The following YWHAQ variants were observed in gnomAD, a reference collection of about 807,000 sequenced individuals.
YWHAQ encodes the protein 14-3-3 protein theta.
YWHAQ carries 6 observed loss-of-function variants against 28.3 expected under a neutral mutation model. The ratio of observed to expected loss-of-function variants is 0.21; its 90% CI spans 0.12 to 0.42. YWHAQ has a LOEUF of 0.42. YWHAQ is among the 10% of genes least tolerant of loss of function. The pLI, the probability that YWHAQ is intolerant of heterozygous loss-of-function variation, is 1.00. For synonymous variants in YWHAQ, 143 were observed against 119.1 expected, an observed-to-expected ratio of 1.20 and a Z score of -1.31; for missense variants, 201 against 305.6, an observed-to-expected ratio of 0.66 and a Z score of 2.55.
At position 9,618,119 on chromosome 2, in the gene YWHAQ, T is replaced by C. The variant is rs780999887; in HGVS notation, c.294+12040A>G. Among the ~76,000 whole-genome samples the C allele has an allele frequency of 6.6e-5, 10 of 152,264 alleles. No homozygotes were observed. The South Asian group carries it at 1.5e-3, about 22-fold the overall frequency. The stretch of plus-strand genomic sequence containing the variant: ...CAGGAGCTGAGGTAAGGGAAGATAG[T>C]GAATGACTATTAATGGATATAGAAT... On this transcript the variant is annotated intron_variant, in intron 2 of 5. Transcript: ENST00000238081.
intron 3 of YWHAQ, among the ~76,000 whole-genome samples, chr2:9,591,169 T>C (rs1335829580): frequency 6.6e-6 from 1 of 152,206 alleles, no homozygotes; most frequent in Non-Finnish European, 1.5e-5. Context: ...CATATGAGAT[T>C]ACAGAGTTCA....
At chr2:9,605,927 T>C (rs1159260527) in intron 2 of YWHAQ, among the ~76,000 whole-genome samples, 4 of 152,172 alleles carry the variant, frequency 2.6e-5, no homozygotes, top group Non-Finnish European at 4.4e-5. Flanking sequence ...TCCCTCATGT[T>C]AGCACACTAC....
chr2:9,610,436 A>G (rs1534044), intron 2 of YWHAQ, among the ~76,000 whole-genome samples: 1 of 152,200 alleles, frequency 6.6e-6, no homozygotes, highest in Non-Finnish European at 1.5e-5. Flanking sequence ...GCATGACACA[A>G]ATCTTTCTCT....
chr2:9,610,511 T>C (rs1250487513), intron 2 of YWHAQ, among the ~76,000 whole-genome samples: 2 of 152,118 alleles, frequency 1.3e-5, no homozygotes, highest in Non-Finnish European at 2.9e-5. Context: ...AACTTTAAAC[T>C]TTACTCTTTT....
chr2:9,618,403 A>G (rs1008812858), intron 2 of YWHAQ, among the ~76,000 whole-genome samples: 2 of 152,170 alleles, frequency 1.3e-5, no homozygotes, highest in Admixed American at 6.5e-5. Context: ...AGGAAAGGAG[A>G]TAAGTTTCCT....
intron 2 of YWHAQ, among the ~76,000 whole-genome samples, chr2:9,602,903 A>ATATATAT (rs1666744884): frequency 1.4e-4 from 16 of 111,116 alleles, no homozygotes; most frequent in East Asian, 3.6e-4. Flanking sequence ...ATATATATAT[A>ATATATAT]GTAGGGACAC....
chr2:9,585,941 T>C (rs1292312363), intron 5 of YWHAQ, among the ~76,000 whole-genome samples: 1 of 151,996 alleles, frequency 6.6e-6, no homozygotes, highest in African/African-American at 2.4e-5. Flanking sequence ...GAGAAACTTT[T>C]TTAAAAAGGC....
At chr2:9,606,622 CAGGTT>C (rs1198746679) in intron 2 of YWHAQ, among the ~76,000 whole-genome samples, 17 of 152,128 alleles carry the variant, frequency 1.1e-4, no homozygotes, top group Non-Finnish European at 1.5e-5. Flanking sequence ...CTCCGCCACT[CAGGTT>C]CACGCCATTA....
chr2:9,598,886 T>C (rs765153768), intron 2 of YWHAQ, among the ~76,000 whole-genome samples: 1 of 152,180 alleles, frequency 6.6e-6, no homozygotes, highest in Non-Finnish European at 1.5e-5. Flanking sequence ...GTCTCTTACT[T>C]ACAAAAGCTA....
At chr2:9,604,232 A>G (rs1019590034) in intron 2 of YWHAQ, among the ~76,000 whole-genome samples, 2 of 152,154 alleles carry the variant, frequency 1.3e-5, no homozygotes, top group Non-Finnish European at 2.9e-5. Flanking sequence ...AAGGTAACAA[A>G]CGAGAGACAG....
chr2:9,620,125 C>T (rs1415197201), intron 2 of YWHAQ, among the ~76,000 whole-genome samples: 1 of 152,162 alleles, frequency 6.6e-6, no homozygotes, highest in African/African-American at 2.4e-5. Flanking sequence ...AATCTATGAC[C>T]ATCCTTTAAG....
chr2:9,595,174 A>G (rs562322623), intron 2 of YWHAQ, among the ~76,000 whole-genome samples: 25 of 152,346 alleles, frequency 1.6e-4, no homozygotes, highest in Admixed American at 9.8e-4. Context: ...CCGTCTTTCC[A>G]TATACTATCA....
intron 2 of YWHAQ, among the ~76,000 whole-genome samples, chr2:9,608,236 A>G (rs1282180174): frequency 6.6e-6 from 1 of 152,218 alleles, no homozygotes; most frequent in East Asian, 1.9e-4. Flanking sequence ...TTAAATAAAA[A>G]TAGAAAAAAC....
chr2:9,609,759 A>C (rs1369104466), intron 2 of YWHAQ, among the ~76,000 whole-genome samples: 1 of 152,236 alleles, frequency 6.6e-6, no homozygotes. Context: ...GAGAAAAACA[A>C]CTGTCAACTA....
At chr2:9,610,368 A>G (rs1167959424) in intron 2 of YWHAQ, among the ~76,000 whole-genome samples, 1 of 152,220 alleles carries the variant, frequency 6.6e-6, no homozygotes, top group East Asian at 1.9e-4. Flanking sequence ...GTTGTTGTGA[A>G]GATTAAATGA....
intron 2 of YWHAQ, among the ~76,000 whole-genome samples, chr2:9,593,923 T>TACACACACACACACACAC (rs1553372602): frequency 1.5e-5 from 2 of 135,152 alleles, no homozygotes; most frequent in Non-Finnish European, 3.1e-5. Flanking sequence ...TATATATATA[T>TACACACACACACACACAC]ACACACACAC....
At chr2:9,614,877 G>C (rs894665518) in intron 2 of YWHAQ, among the ~76,000 whole-genome samples, 1 of 152,124 alleles carries the variant, frequency 6.6e-6, no homozygotes, top group African/African-American at 2.4e-5. Context: ...TCTGTTATGG[G>C]GTACAAAGGG....
At chr2:9,597,475 G>A (rs981162221) in intron 2 of YWHAQ, among the ~76,000 whole-genome samples, 5 of 151,788 alleles carry the variant, frequency 3.3e-5, no homozygotes, top group Non-Finnish European at 7.4e-5. Flanking sequence ...GTGAAACCCC[G>A]TCGCTACTAA....
chr2:9,596,802 A>AAC (rs1666580341), intron 2 of YWHAQ, among the ~76,000 whole-genome samples: 3 of 152,060 alleles, frequency 2.0e-5, no homozygotes, highest in African/African-American at 7.2e-5. Flanking sequence ...CTCCCGGTTC[A>AAC]AGCGATTCTT....
Sources: gnomAD v4.1 joint callset for allele counts (sites outside exome capture counted in the v4.1 genomes callset) on GRCh38, gnomAD v4.1.1 for gene constraint, MANE v1.5 for transcripts, NCBI Gene and HGNC (gene_info 2026-07-23, HGNC 2026-07-21) for gene names.